The following MTOR variants were observed in gnomAD, a reference collection of about 807,000 sequenced individuals.
The protein encoded by MTOR is mechanistic target of rapamycin kinase.
A neutral mutation model predicts 319.8 loss-of-function variants in MTOR; 70 were observed. That is an observed-to-expected ratio of 0.22 (90% CI 0.18 to 0.27). The LOEUF is 0.27. Among genes scored for constraint, MTOR ranks in the 10% least tolerant of loss-of-function variants. The pLI, the probability that MTOR is intolerant of heterozygous loss-of-function variation, is 1.00. For missense variants in MTOR, 1,890 were observed against 3,274.4 expected, an observed-to-expected ratio of 0.58 and a Z score of 10.32; for synonymous variants, 1,183 against 1,211.4, an observed-to-expected ratio of 0.98 and a Z score of 0.49.
At chr1:11,117,364 T>C (rs1279536876) in intron 49 of MTOR, among the ~76,000 whole-genome samples, 1 of 152,206 alleles carries the variant, frequency 6.6e-6, no homozygotes, top group Non-Finnish European at 1.5e-5. Flanking sequence ...TTTCACTATG[T>C]TGGCCAGACT....
At position 11,117,049 on chromosome 1, in the gene MTOR, A is replaced by G; in HGVS notation, c.6971T>C (p.Leu2324Ser). 6.2e-7 allele frequency: 1 copy of G among 1,613,502 alleles called. No homozygotes were observed. Among genetic ancestry groups the G allele is most frequent in the Non-Finnish European group, 8.5e-7 (1 of 1,179,894 alleles). The change falls in exon 50 of 58, where the codon TTA becomes TCA. Residue 2324 changes from leucine to serine, a missense_variant. By Grantham distance (145) the Leu-to-Ser change is moderately radical. Transcript: ENST00000361445. ...ATACCCAACCATTGACATGACCGCT[A>G]AAGAACGGGTATAATTGGTTCTTCG... ...FDRRTNYTRSLAVMSMVGYIL... is the reference protein window; with the variant it reads ...FDRRTNYTRSSAVMSMVGYIL...
rs565370464 is a variant in MTOR at position 11,142,729 on chromosome 1, C to T, written c.4872+1919G>A. 2.1e-4 allele frequency among the ~76,000 whole-genome samples: 32 copies of T among 152,212 alleles called. No individual in the cohort carries two copies. In the Middle Eastern group the frequency reaches 0.01, roughly 49 times the overall value. On this transcript the variant is annotated intron_variant, in intron 34 of 57. Transcript: ENST00000361445. ...CATGGAGATAAACTTAAAAGTCTAG[C>T]GACAATGATCTCAGGCTTTTAGCTA... is the stretch of plus-strand genomic sequence containing the variant.
At chr1:11,261,467 G>T (rs1366548063) in intron 1 of MTOR, among the ~76,000 whole-genome samples, 1 of 151,990 alleles carries the variant, frequency 6.6e-6, no homozygotes, top group East Asian at 2.0e-4. Context: ...GCGAAACTCC[G>T]TCTCAAAACA....
intron 54 of MTOR, among the ~76,000 whole-genome samples, chr1:11,112,364 G>A (rs75779851): frequency 0.03 from 4,548 of 152,240 alleles, 175 homozygotes; most frequent in Admixed American, 0.071. Flanking sequence ...AAATCAGATA[G>A]TTTGATAAAA....
rs189436499 is a variant in MTOR, at chr1:11,130,554, G to A, written c.5588C>T (p.Ser1863Leu). The A allele has an allele frequency of 9.3e-6, 15 of 1,613,384 alleles. No homozygotes were observed. The highest frequency in any genetic ancestry group is 6.7e-5 in the Admixed American group (4 of 59,986). Residue 1863 changes from serine to leucine, a missense_variant, in exon 39 of 58, where the codon TCG (serine) becomes TTG (leucine). Coordinates refer to ENST00000361445, the MANE Select transcript of MTOR (RefSeq NM_004958.4). ...AESTENSPTP[S>L]PLQKKVTEDL... ...CTCAGTGACCTTCTTCTGCAGCGGCGATGGGGTGGGGCTGTTCTCGGTGCT... is the reference window on the plus strand; with the variant it reads ...CTCAGTGACCTTCTTCTGCAGCGGCAATGGGGTGGGGCTGTTCTCGGTGCT...
intron 5 of MTOR, 65 bp from the exon 6 acceptor site, chr1:11,254,038 A>T (rs1650042855): frequency 1.3e-6 from 2 of 1,582,334 alleles, no homozygotes; most frequent in South Asian, 2.3e-5. Flanking sequence ...ATACAGGCCC[A>T]TCCCATCTAC....
intron 6 of MTOR, among the ~76,000 whole-genome samples, chr1:11,249,569 T>A (rs1417818161): frequency 2.8e-5 from 4 of 144,072 alleles, no homozygotes; most frequent in Admixed American, 7.2e-5. Context: ...CCTGCGGCCT[T>A]CCGCAGTGTT....
intron 34 of MTOR, among the ~76,000 whole-genome samples, chr1:11,141,388 C>T (rs1643695737): frequency 6.6e-6 from 1 of 151,832 alleles, no homozygotes; most frequent in Admixed American, 6.6e-5. Context: ...GCTGGGATTA[C>T]AGGTGGGATC....
intron 20 of MTOR, among the ~76,000 whole-genome samples, chr1:11,213,894 T>C (rs1646388547): frequency 6.6e-6 from 1 of 152,232 alleles, no homozygotes; most frequent in Non-Finnish European, 1.5e-5. Flanking sequence ...ACTTCTCCCA[T>C]GCAGGCTTTC....
In MTOR at chr1:11,139,328, T is replaced by C. The variant is rs1301295248; in HGVS notation, c.5106A>G (p.Lys1702=). The C allele has an allele frequency of 6.2e-7, 1 of 1,608,092 alleles. No individual in the cohort carries two copies. Among genetic ancestry groups the C allele is most frequent in the South Asian group, 1.1e-5 (1 of 90,390 alleles). Residue 1702 remains lysine (K), a synonymous_variant, in exon 36 of 58, where the codon AAA becomes AAG. Coordinates refer to ENST00000361445, the MANE Select transcript of MTOR (RefSeq NM_004958.4). ...CCTTGCGGGCACTCTTCCACATGTT[T>C]TTCATGTAGGCATAGGTCACCTGAG... ...VHPQVTYAYM[K]NMWKSARKID...
chr1:11,192,882 G>A (rs1645602497), intron 28 of MTOR, among the ~76,000 whole-genome samples: 1 of 151,904 alleles, frequency 6.6e-6, no homozygotes, highest in African/African-American at 2.4e-5. Context: ...ATCATTATCA[G>A]TCAAACAACA....
Position 11,212,507 on chromosome 1 carries a change from A to T in MTOR, c.3399-33T>A, listed in dbSNP as rs1388821268. The stretch of plus-strand genomic sequence containing the variant: ...AATCACTAACATACAGTAACTGCTA[A>T]CATACAATCTCCAAGGAAGAGACGT... On this transcript the variant is annotated intron_variant, in intron 22 of 57. Transcript: ENST00000361445. The surrounding 1 kb of genome is among the most constrained non-coding windows in gnomAD (Gnocchi z 4.1). The T allele has an allele frequency of 1.9e-6, 3 of 1,601,156 alleles. No homozygotes were observed. Among genetic ancestry groups the T allele is most frequent in the Non-Finnish European group, 2.6e-6 (3 of 1,173,958 alleles).
intron 11 of MTOR, among the ~76,000 whole-genome samples, chr1:11,239,215 T>A (rs942507242): frequency 3.9e-5 from 6 of 152,206 alleles, no homozygotes; most frequent in Non-Finnish European, 1.5e-5. Flanking sequence ...TAAATTATTT[T>A]GTTTTATTCC....
At chr1:11,223,469 G>C (rs900748863) in intron 19 of MTOR, among the ~76,000 whole-genome samples, 1 of 151,968 alleles carries the variant, frequency 6.6e-6, no homozygotes, top group African/African-American at 2.4e-5. Flanking sequence ...TACATGTGTC[G>C]GGGGGAAAGG....
intron 19 of MTOR, among the ~76,000 whole-genome samples, chr1:11,227,564 T>C (rs1646885915): frequency 6.6e-6 from 1 of 152,116 alleles, no homozygotes. Flanking sequence ...ACAAAGCTAC[T>C]CTGAACTTTA....
chr1:11,188,352 T>A (rs1198728546), intron 28 of MTOR, among the ~76,000 whole-genome samples: 2 of 152,202 alleles, frequency 1.3e-5, no homozygotes, highest in African/African-American at 4.8e-5. Flanking sequence ...ATTACAATAT[T>A]CATGTTTTTT....
In MTOR at chr1:11,160,822, A is replaced by G. The variant is rs367681180; in HGVS notation, c.4330-3531T>C. 5.3e-5 allele frequency among the ~76,000 whole-genome samples: 8 copies of G among 152,360 alleles called. No homozygotes were observed. The East Asian group carries it at 1.2e-3, about 22-fold the overall frequency. Reference sequence around the variant, plus strand: ...AGTCCCGGAGGTTCCAAGATGGCCGAATAGGAACAGCTCCAGTCTACAGCT... The same window carrying G: ...AGTCCCGGAGGTTCCAAGATGGCCGGATAGGAACAGCTCCAGTCTACAGCT... On this transcript the variant is annotated intron_variant, in intron 29 of 57. Transcript: ENST00000361445.
At chr1:11,216,046 C>A in intron 20 of MTOR, 102 bp downstream of exon 20, 1 of 769,642 alleles carries the variant, frequency 1.3e-6, no homozygotes, top group Non-Finnish European at 2.2e-6. Flanking sequence ...ACTGTAACAG[C>A]TCTACAAAGA....
intron 25 of MTOR, among the ~76,000 whole-genome samples, chr1:11,208,647 A>C (rs1350306679): frequency 1.3e-5 from 2 of 152,250 alleles, no homozygotes; most frequent in African/African-American, 4.8e-5. Flanking sequence ...AAGTTGGTGA[A>C]GTAATTATGA....
Sources: allele counts gnomAD v4.1 joint callset (sites outside exome capture counted in the v4.1 genomes callset), GRCh38; gene constraint gnomAD v4.1.1; non-coding constraint Gnocchi (gnomAD v3.1); transcripts MANE v1.5; gene names NCBI Gene and HGNC (gene_info 2026-07-23, HGNC 2026-07-21).